The following ZNF385D variants were observed in gnomAD, a reference collection of about 807,000 sequenced individuals.
ZNF385D encodes zinc finger protein 385D, also known as zinc finger protein 659.
In ZNF385D, 15 loss-of-function variants were observed where a neutral mutation model predicts 35.8. That is an observed-to-expected ratio of 0.42 (90% CI 0.28 to 0.64). The LOEUF (loss-of-function observed/expected upper bound fraction) is 0.64. ZNF385D is among the 30% of genes least tolerant of loss of function. The probability of loss-of-function intolerance (pLI) is 0.23; values close to 1 mark genes in which losing one functional copy is unlikely to be tolerated. For missense variants in ZNF385D, 474 were observed against 494.6 expected (o/e 0.96, Z 0.39); for synonymous variants, 212 against 186.8 (o/e 1.13, Z -1.10).
At chr3:22,123,679 G>A (rs1196791203) in intron 3 of ZNF385D, among the ~76,000 whole-genome samples, 4 of 152,106 alleles carry the variant, frequency 2.6e-5, no homozygotes, top group Non-Finnish European at 4.4e-5. Flanking sequence ...GGCCAACATA[G>A]TGAAACCCCA....
intron 3 of ZNF385D, among the ~76,000 whole-genome samples, chr3:21,803,093 C>T (rs991602462): frequency 1.1e-4 from 17 of 152,152 alleles, no homozygotes; most frequent in Non-Finnish European, 1.3e-4. Flanking sequence ...TACCCCTCCC[C>T]GCCACCTGAC....
intron 3 of ZNF385D, chr3:21,979,764 A>G (rs1694314686): frequency 6.6e-6 from 1 of 152,182 alleles, no homozygotes; most frequent in Admixed American, 6.5e-5. Context: ...TAAGTAGAGA[A>G]AGAAAGCACC....
chr3:22,040,998 T>A lies in ZNF385D; in HGVS notation c.325+127819A>T, dbSNP rs534349569. Among the ~76,000 whole-genome samples the A allele has an allele frequency of 2.0e-5, 3 of 152,190 alleles. 1 individual carries two copies. The South Asian group carries it at 6.2e-4, about 32-fold the overall frequency. ...TGGTTCTTAGTATAGAAGCAGAGAA[T>A]CGCATTTACTGGCTCAAGTAACTAT... On this transcript the variant is annotated intron_variant, in intron 3 of 5. Coordinates refer to the ZNF385D transcript ENST00000494108.
chr3:21,613,342 T>TA (rs11434152), intron 2 of ZNF385D, among the ~76,000 whole-genome samples: 48,501 of 144,168 alleles, frequency 0.34, 8,282 homozygotes, highest in South Asian at 0.51. Flanking sequence ...AGTCAGAAGA[T>TA]AAAAAAAAAA....
chr3:21,628,232 G>A (rs771818541), intron 2 of ZNF385D, among the ~76,000 whole-genome samples: 1 of 152,042 alleles, frequency 6.6e-6, no homozygotes, highest in Non-Finnish European at 1.5e-5. Flanking sequence ...GACACCATGG[G>A]CTTTAAGGTG....
chr3:21,448,485 A>T (rs1702275550), intron 4 of ZNF385D, among the ~76,000 whole-genome samples: 1 of 152,176 alleles, frequency 6.6e-6, no homozygotes, highest in African/African-American at 2.4e-5. Flanking sequence ...TCTTCAAAGT[A>T]GTTTCCATGT....
At chr3:22,064,639 C>T (rs1355506846) in intron 3 of ZNF385D, among the ~76,000 whole-genome samples, 1 of 152,188 alleles carries the variant, frequency 6.6e-6, no homozygotes, top group African/African-American at 2.4e-5. Context: ...ATCCACAACA[C>T]CACAGATGAA....
intron 3 of ZNF385D, among the ~76,000 whole-genome samples, chr3:21,964,429 A>AAG (rs1702772947): frequency 1.2e-5 from 1 of 82,328 alleles, no homozygotes; most frequent in Non-Finnish European, 2.0e-5. Context: ...AAAAAAAAAA[A>AAG]AAAGAAAAAA....
rs141046889 is a variant in ZNF385D at position 21,530,742 on chromosome 3, A to C, written c.277-19719T>G. 2.0e-4 allele frequency among the ~76,000 whole-genome samples: 31 copies of C among 152,290 alleles called. 1 individual carries two copies. Among genetic ancestry groups the C allele is most frequent in the African/African-American group, 5.5e-4 (23 of 41,570 alleles). ...GAGACTACAGGATGCAAAATCTAAC[A>C]GTACCCATCACTGCTCTATGTCCAT... On this transcript the variant is annotated intron_variant, in intron 3 of 7. Transcript: ENST00000281523.
At chr3:22,288,603 C>T (rs2125393399) in intron 2 of ZNF385D, among the ~76,000 whole-genome samples, 1 of 152,060 alleles carries the variant, frequency 6.6e-6, no homozygotes, top group East Asian at 1.9e-4. Flanking sequence ...TATAGTTTGT[C>T]TCTTTGTTGA....
intron 2 of ZNF385D, among the ~76,000 whole-genome samples, chr3:22,211,283 C>T (rs1003156324): frequency 6.6e-6 from 1 of 151,790 alleles, no homozygotes; most frequent in Non-Finnish European, 1.5e-5. Flanking sequence ...TCAGTATTAA[C>T]AATTACAGAC....
intron 3 of ZNF385D, among the ~76,000 whole-genome samples, chr3:22,007,597 A>G (rs1037756645): frequency 6.6e-6 from 1 of 152,232 alleles, no homozygotes; most frequent in African/African-American, 2.4e-5. Flanking sequence ...CTGCAGGCCT[A>G]TGAGCCATGT....
rs1180609438 is a variant in ZNF385D at position 22,056,274 on chromosome 3, TAAAAAAAAAAAAAA to T, written c.325+112529_325+112542del. On this transcript the variant is annotated intron_variant, in intron 3 of 5. Transcript: ENST00000494108. ...ATGTACCCTAAAACTTAGAGTATAATAAAAAAAAAAAAAAAAAAAAAAAAAAAAAAAAAATTCAA... is the reference window on the plus strand; with the variant it reads ...ATGTACCCTAAAACTTAGAGTATAATAAAAAAAAAAAAAAAAAAAATTCAA... Among the ~76,000 whole-genome samples the T allele has an allele frequency of 3.1e-5, 2 of 64,800 alleles. 1 individual carries two copies. Among genetic ancestry groups the T allele is most frequent in the Non-Finnish European group, 6.8e-5 (2 of 29,526 alleles). 42.5% of individuals were successfully genotyped at this position (64,800 alleles called of 152,430 possible).
intron 2 of ZNF385D, among the ~76,000 whole-genome samples, chr3:22,295,348 C>T (rs1702513510): frequency 6.6e-6 from 1 of 152,144 alleles, no homozygotes; most frequent in South Asian, 2.1e-4. Context: ...GGCTATACAG[C>T]TCTCACACAT....
chr3:21,946,247 T>C (rs560188629), intron 3 of ZNF385D, among the ~76,000 whole-genome samples: 15 of 152,270 alleles, frequency 9.9e-5, no homozygotes, highest in African/African-American at 3.4e-4. Context: ...AATGAGACAA[T>C]TACAGAAAGT....
At chr3:22,134,583 T>A (rs1337280010) in intron 3 of ZNF385D, among the ~76,000 whole-genome samples, 3 of 152,168 alleles carry the variant, frequency 2.0e-5, no homozygotes, top group African/African-American at 7.2e-5. Context: ...CATGGGACAT[T>A]TACTAAAAGA....
At chr3:21,632,657 A>T (rs2065315738) in intron 2 of ZNF385D, among the ~76,000 whole-genome samples, 1 of 152,142 alleles carries the variant, frequency 6.6e-6, no homozygotes, top group South Asian at 2.1e-4. Flanking sequence ...TTAATGAAGG[A>T]AACCAAAGAA....
At chr3:22,183,643 T>A (rs2125783090) in intron 2 of ZNF385D, among the ~76,000 whole-genome samples, 1 of 152,270 alleles carries the variant, frequency 6.6e-6, no homozygotes, top group South Asian at 2.1e-4. Context: ...AAACCAAGGA[T>A]TCTTTATGAA....
intron 3 of ZNF385D, among the ~76,000 whole-genome samples, chr3:22,026,069 A>G (rs999800764): frequency 2.6e-5 from 4 of 152,188 alleles, no homozygotes; most frequent in Non-Finnish European, 5.9e-5. Flanking sequence ...GCATTGTCTA[A>G]TTAATCATAG....
Sources: allele counts gnomAD v4.1 joint callset (sites outside exome capture counted in the v4.1 genomes callset), GRCh38; gene constraint gnomAD v4.1.1; transcripts MANE v1.5; gene names NCBI Gene and HGNC (gene_info 2026-07-23, HGNC 2026-07-21).